CAMSAP2: variants seen among roughly 807,000 people sequenced by gnomAD.
CAMSAP2 encodes calmodulin regulated spectrin associated protein family member 2.
A neutral mutation model predicts 146.1 loss-of-function variants in CAMSAP2; 26 were observed. The ratio of observed to expected loss-of-function variants is 0.18; its 90% CI spans 0.13 to 0.25. CAMSAP2 has a LOEUF of 0.25. Among genes scored for constraint, CAMSAP2 ranks in the 10% least tolerant of loss-of-function variants. The probability of loss-of-function intolerance (pLI) is 1.00; values close to 1 mark genes in which losing one functional copy is unlikely to be tolerated. For missense variants in CAMSAP2, 1,381 were observed against 1,759.3 expected (o/e 0.78, Z 3.85); for synonymous variants, 499 against 596.6 (o/e 0.84, Z 2.38).
At chr1:200,753,169 G>A (rs1350002832) in intron 1 of CAMSAP2, among the ~76,000 whole-genome samples, 2 of 151,778 alleles carry the variant, frequency 1.3e-5, no homozygotes, top group Non-Finnish European at 2.9e-5. Context: ...TACTTGGTCC[G>A]TGCTTGTGGT....
chr1:200,798,513 A>G (rs1271364426), intron 2 of CAMSAP2, among the ~76,000 whole-genome samples: 1 of 136,342 alleles, frequency 7.3e-6, no homozygotes, highest in Non-Finnish European at 1.5e-5. Context: ...TTGTACATTG[A>G]TTTTGTATCC....
chr1:200,756,585 G>T (rs185526821), intron 1 of CAMSAP2, among the ~76,000 whole-genome samples: 94 of 152,300 alleles, frequency 6.2e-4, no homozygotes, highest in African/African-American at 2.0e-3. Context: ...TGCAGGTAGT[G>T]AATGTAGGTA....
chr1:200,787,645 G>A (rs576237228), intron 2 of CAMSAP2, among the ~76,000 whole-genome samples: 1 of 152,298 alleles, frequency 6.6e-6, no homozygotes, highest in East Asian at 1.9e-4. Context: ...AAGTTAGTTG[G>A]TGAAGCAGCG....
intron 2 of CAMSAP2, among the ~76,000 whole-genome samples, chr1:200,787,773 G>A (rs1345491727): frequency 2.0e-5 from 3 of 152,134 alleles, no homozygotes; most frequent in East Asian, 1.9e-4. Flanking sequence ...CAATCAGCAC[G>A]CAAGTTTTGT....
At chr1:200,817,239 CATACACACATATGTGTGTGTAT>C (rs71135400) in intron 4 of CAMSAP2, among the ~76,000 whole-genome samples, 102,827 of 137,912 alleles carry the variant, frequency 0.75, 39,465 homozygotes, top group East Asian at 0.94. Context: ...TATATACACA[CATACACACATATGTGTGTGTAT>C]ATACACACAT....
At chr1:200,817,011 TACAC>T (rs1349653062) in intron 4 of CAMSAP2, among the ~76,000 whole-genome samples, 7 of 138,596 alleles carry the variant, frequency 5.1e-5, no homozygotes, top group African/African-American at 1.8e-4. Flanking sequence ...TGTACCCACA[TACAC>T]ACGTATATAT....
intron 4 of CAMSAP2, among the ~76,000 whole-genome samples, chr1:200,816,622 A>G (rs1281432892): frequency 2.1e-5 from 3 of 142,814 alleles, no homozygotes; most frequent in South Asian, 2.2e-4. Flanking sequence ...ATATATATAT[A>G]TATGTATATA....
intron 4 of CAMSAP2, among the ~76,000 whole-genome samples, chr1:200,815,910 T>C (rs2102167315): frequency 6.6e-6 from 1 of 152,348 alleles, no homozygotes. Context: ...TGCCTTTCTT[T>C]GGTAAAATGT....
At chr1:200,744,988 AAAG>A in intron 1 of CAMSAP2, among the ~76,000 whole-genome samples, 1 of 152,324 alleles carries the variant, frequency 6.6e-6, no homozygotes, top group South Asian at 2.1e-4. Flanking sequence ...ATTAAAAAAA[AAAG>A]AAAAAATACT....
intron 1 of CAMSAP2, among the ~76,000 whole-genome samples, chr1:200,754,414 A>C (rs182950871): frequency 6.6e-6 from 1 of 152,112 alleles, no homozygotes; most frequent in African/African-American, 2.4e-5. Context: ...TAAATTAATT[A>C]GTAATTTATA....
At chr1:200,833,823 G>A (rs574660232) in intron 6 of CAMSAP2, among the ~76,000 whole-genome samples, 47 of 152,016 alleles carry the variant, frequency 3.1e-4, no homozygotes, top group Non-Finnish European at 5.6e-4. Flanking sequence ...GTATCCTTGC[G>A]TATTTTTATG....
intron 4 of CAMSAP2, among the ~76,000 whole-genome samples, chr1:200,815,951 T>C (rs1666471107): frequency 6.6e-6 from 1 of 152,198 alleles, no homozygotes; most frequent in African/African-American, 2.4e-5. Context: ...TTTTAAATGT[T>C]CAGGCTTTAT....
chr1:200,808,346 T>C (rs1010516865), intron 3 of CAMSAP2, among the ~76,000 whole-genome samples: 19 of 152,346 alleles, frequency 1.2e-4, no homozygotes, highest in African/African-American at 4.6e-4. Flanking sequence ...GAGTAGTTAA[T>C]TTGTCTTGAT....
intron 4 of CAMSAP2, among the ~76,000 whole-genome samples, chr1:200,827,697 C>T (rs1021126891): frequency 2.2e-4 from 20 of 92,726 alleles, no homozygotes; most frequent in African/African-American, 5.2e-4. Context: ...TCTGTTTATA[C>T]GGAAAAACTT....
At chr1:200,797,335 A>G (rs377317562) in intron 2 of CAMSAP2, among the ~76,000 whole-genome samples, 1 of 150,928 alleles carries the variant, frequency 6.6e-6, no homozygotes, top group Non-Finnish European at 1.5e-5. Context: ...AGCACCTGTT[A>G]TTTCCTGACT....
In CAMSAP2 at chr1:200,832,871, CT is replaced by C; in HGVS notation, c.927+29del. 6.5e-7 allele frequency: 1 copy of C among 1,538,772 alleles called. No individual in the cohort carries two copies. ...GTAAATTAAATTATTCTTTTTTTCC[CT>C]TTGCTTTGTTAAAATATGTTTTTTT... On this transcript the variant is annotated intron_variant, in intron 6 of 16. Transcript: ENST00000358823. The surrounding 1 kb of genome is among the most constrained non-coding windows in gnomAD (Gnocchi z 4.2).
At position 200,738,969 on chromosome 1, in the gene CAMSAP2, G is replaced by T. The variant is rs1320965877; in HGVS notation, c.-859G>T. ...GCGGCGGCGGCGGCTGAGGGGGAAC[G>T]ATCCAGCGAGCTGCAGAAAGGGGGG... On this transcript the variant is annotated 5_prime_UTR_variant, in exon 1 of 17. Transcript: ENST00000358823. Among the ~76,000 whole-genome samples the T allele has an allele frequency of 7.0e-6, 1 of 142,988 alleles. No individual in the cohort carries two copies. Among genetic ancestry groups the T allele is most frequent in the Non-Finnish European group, 1.5e-5 (1 of 65,496 alleles). 93.8% of individuals were successfully genotyped at this position (142,988 alleles called of 152,430 possible).
chr1:200,849,020 G>A lies in CAMSAP2; in HGVS notation c.2251G>A (p.Val751Met). 1 of 1,614,134 alleles carries A rather than the reference G, an allele frequency of 6.2e-7. No homozygotes were observed. The highest frequency in any genetic ancestry group is 8.5e-7 in the Non-Finnish European group (1 of 1,180,018). The change falls in exon 11 of 17, where the codon GTG becomes ATG. Residue 751 changes from valine to methionine, a missense_variant. Val to Met is a conservative substitution (Grantham distance 21). Around this residue, in one of 4 missense-constraint regions of CAMSAP2, gnomAD observed 560 missense variants for 715.9 expected, o/e 0.78. Coordinates refer to ENST00000358823, the MANE Select transcript of CAMSAP2 (RefSeq NM_203459.4). This position sits in a 1 kb window ranked among gnomAD's most constrained non-coding sequence, Gnocchi z 6.3. ...DTTQLLASEM[V>M]HLRMKLEEKR... ...TACCCAGCTGTTGGCCTCTGAAATG[G>A]TGCATCTTAGGATGAAACTAGAAGA...
Position 200,807,389 on chromosome 1 carries a change from C to A in CAMSAP2, c.413C>A (p.Ala138Asp). Residue 138 changes from alanine (A) to aspartate (D), a missense_variant, in exon 3 of 17, where the codon GCC becomes GAC. Around this residue, in one of 4 missense-constraint regions of CAMSAP2, gnomAD observed 284 missense variants for 406.9 expected, o/e 0.70. Transcript: ENST00000358823. ...KKPIQMSAHL[A>D]MIDTLMMAYT... Reference sequence around the variant, plus strand: ...TTATATTTTCAGAGTGCACATTTGGCCATGATCGATACCCTCATGATGGCT... The same window carrying A: ...TTATATTTTCAGAGTGCACATTTGGACATGATCGATACCCTCATGATGGCT... The A allele has an allele frequency of 1.3e-6, 2 of 1,540,772 alleles. No homozygotes were observed. The highest frequency in any genetic ancestry group is 1.8e-6 in the Non-Finnish European group (2 of 1,140,718).
Sources: gnomAD v4.1 joint callset for allele counts (sites outside exome capture counted in the v4.1 genomes callset) on GRCh38, gnomAD v4.1.1 for gene constraint, gnomAD v4.1.1 regional missense constraint, Gnocchi (gnomAD v3.1) non-coding constraint, MANE v1.5 for transcripts, NCBI Gene and HGNC (gene_info 2026-07-23, HGNC 2026-07-21) for gene names.